The following TET3 variants were observed in gnomAD, a reference collection of about 807,000 sequenced individuals.
TET3 encodes the protein tet methylcytosine dioxygenase 3.
In TET3, 19 loss-of-function variants were observed where a neutral mutation model predicts 141.4. The ratio of observed to expected loss-of-function variants is 0.13; its 90% CI spans 0.09 to 0.20. The LOEUF (loss-of-function observed/expected upper bound fraction) is 0.20. TET3 is among the 10% of genes least tolerant of loss of function. TET3 has a pLI of 1.00. For synonymous variants in TET3, 1,043 were observed against 980.9 expected (o/e 1.06, Z -1.18); for missense variants, 1,874 against 2,356.9 (o/e 0.80, Z 4.24).
intron 7 of TET3, among the ~76,000 whole-genome samples, chr2:74,088,764 G>A (rs1034633173): frequency 2.6e-5 from 4 of 151,984 alleles, no homozygotes; most frequent in Non-Finnish European, 4.4e-5. Context: ...TTACAGTCAC[G>A]TACCTACCAC....
At chr2:74,028,156 T>TA (rs201258387) in intron 3 of TET3, among the ~76,000 whole-genome samples, 44 of 147,462 alleles carry the variant, frequency 3.0e-4, no homozygotes, top group African/African-American at 8.8e-4. Context: ...CTGCCTAATT[T>TA]TAAAAAAAAA....
intron 3 of TET3, among the ~76,000 whole-genome samples, chr2:74,031,510 G>T (rs1686687552): frequency 6.6e-6 from 1 of 152,182 alleles, no homozygotes; most frequent in Admixed American, 6.5e-5. Flanking sequence ...AACGAGTAGT[G>T]ACTGTGGATA....
At chr2:74,011,678 C>T (rs1685443160) in intron 3 of TET3, among the ~76,000 whole-genome samples, 1 of 152,166 alleles carries the variant, frequency 6.6e-6, no homozygotes. Context: ...AAATCCATAT[C>T]CTTTTTTTTG....
chr2:74,098,852 C>A (rs763953519), intron 10 of TET3, among the ~76,000 whole-genome samples: 1 of 152,092 alleles, frequency 6.6e-6, no homozygotes, highest in Non-Finnish European at 1.5e-5. Flanking sequence ...CCTTGGCCTC[C>A]CAAAAGGAAA....
chr2:74,038,815 C>A (rs560526055), intron 3 of TET3, among the ~76,000 whole-genome samples: 6 of 152,166 alleles, frequency 3.9e-5, no homozygotes, highest in Non-Finnish European at 8.8e-5. Context: ...ACGAAAAGAT[C>A]CCTAACAGAA....
chr2:73,995,166 G>A (rs1033645042), intron 2 of TET3, among the ~76,000 whole-genome samples: 1 of 152,144 alleles, frequency 6.6e-6, no homozygotes, highest in Admixed American at 6.6e-5. Flanking sequence ...TACCATGTTG[G>A]CCAGTCTGAT....
intron 2 of TET3, among the ~76,000 whole-genome samples, chr2:73,997,281 C>T (rs1156782667): frequency 6.6e-6 from 1 of 152,208 alleles, no homozygotes; most frequent in East Asian, 1.9e-4. Flanking sequence ...GTCTGCTCCA[C>T]TGCTGAGTTT....
upstream of TET3, among the ~76,000 whole-genome samples, chr2:73,983,834 G>C (rs971421831): frequency 2.6e-5 from 4 of 152,222 alleles, no homozygotes; most frequent in Non-Finnish European, 1.5e-5. Flanking sequence ...GTGTGTGCGC[G>C]TGTATGTCAG....
intron 2 of TET3, among the ~76,000 whole-genome samples, chr2:74,000,539 G>A (rs1210406005): frequency 6.6e-6 from 1 of 152,096 alleles, no homozygotes; most frequent in Non-Finnish European, 1.5e-5. Context: ...CAGGTCGGGG[G>A]AGGTGCGGAG....
At chr2:74,089,080 C>CAAAAAAAAA (rs34315040) in intron 7 of TET3, among the ~76,000 whole-genome samples, 1 of 60,566 alleles carries the variant, frequency 1.7e-5, no homozygotes. Context: ...GATTCCGTCT[C>CAAAAAAAAA]AAAAAAAAAA....
At position 74,014,144 on chromosome 2, in the gene TET3, C is replaced by T. The variant is rs190621770; in HGVS notation, c.360+10978C>T. ...CTAAAGTATTAATTTCTACTGTAGTCTTATATAAATTGTCATCTTTTCCTT... is the reference window on the plus strand; with the variant it reads ...CTAAAGTATTAATTTCTACTGTAGTTTTATATAAATTGTCATCTTTTCCTT... On this transcript the variant is annotated intron_variant, in intron 3 of 11. Transcript: ENST00000409262. Among the ~76,000 whole-genome samples, 4 of 152,010 alleles carry T rather than the reference C, an allele frequency of 2.6e-5. No individual in the cohort carries two copies. The East Asian group carries it at 5.8e-4, about 22-fold the overall frequency.
intron 3 of TET3, among the ~76,000 whole-genome samples, chr2:74,025,695 CCT>C (rs1348426275): frequency 7.2e-5 from 11 of 152,342 alleles, no homozygotes; most frequent in South Asian, 2.1e-4. Flanking sequence ...ATCGTTACAA[CCT>C]CTCTTGTAAG....
intron 3 of TET3, among the ~76,000 whole-genome samples, chr2:74,004,718 G>A (rs1685061920): frequency 6.6e-6 from 1 of 152,108 alleles, no homozygotes; most frequent in Admixed American, 6.5e-5. Flanking sequence ...CTGTGGGTGG[G>A]GAGGAGAGAG....
intron 3 of TET3, among the ~76,000 whole-genome samples, chr2:74,034,099 A>AG (rs1033242379): frequency 6.6e-6 from 1 of 151,878 alleles, no homozygotes; most frequent in African/African-American, 2.4e-5. Context: ...TCTGTCTCAG[A>AG]GAAAAAAAAA....
chr2:74,116,836 G>C, the TET3 span, among the ~76,000 whole-genome samples: 2 of 152,154 alleles, frequency 1.3e-5, no homozygotes, highest in African/African-American at 4.8e-5. Context: ...CAGCACTTTG[G>C]GTGCGGCTAG....
chr2:74,043,317 G>T (rs967279139), intron 3 of TET3, among the ~76,000 whole-genome samples: 12 of 152,208 alleles, frequency 7.9e-5, no homozygotes, highest in African/African-American at 2.9e-4. Flanking sequence ...GGGAAAAGCT[G>T]ATATATTCCA....
chr2:74,017,148 G>T (rs1448020047), intron 3 of TET3, among the ~76,000 whole-genome samples: 1 of 152,018 alleles, frequency 6.6e-6, no homozygotes, highest in African/African-American at 2.4e-5. Context: ...AATTAGCCCC[G>T]CACGACATTG....
At chr2:74,086,104 A>C (rs1265565060) in intron 6 of TET3, among the ~76,000 whole-genome samples, 1 of 152,204 alleles carries the variant, frequency 6.6e-6, no homozygotes, top group Non-Finnish European at 1.5e-5. Flanking sequence ...TCCTGCGTGG[A>C]GTTCCCGCCT....
At chr2:74,051,478 CAT>C (rs1687941328) in intron 4 of TET3, among the ~76,000 whole-genome samples, 1 of 152,162 alleles carries the variant, frequency 6.6e-6, no homozygotes, top group South Asian at 2.1e-4. Flanking sequence ...ACCTTTCCCT[CAT>C]GTGTTTTCTG....
Sources: gnomAD v4.1 joint callset for allele counts (sites outside exome capture counted in the v4.1 genomes callset) on GRCh38, gnomAD v4.1.1 for gene constraint, MANE v1.5 for transcripts, NCBI Gene and HGNC (gene_info 2026-07-23, HGNC 2026-07-21) for gene names.